Variants in STAT3 observed in about 807,000 individuals in gnomAD.
The protein encoded by STAT3 is signal transducer and activator of transcription 3, also known as DNA-binding protein APRF.
Under a neutral mutation model 114.3 loss-of-function variants are expected in STAT3, and 7 were observed. That is an observed-to-expected ratio of 0.06 (90% CI 0.03 to 0.11). The LOEUF (loss-of-function observed/expected upper bound fraction) is 0.11. Ranked by LOEUF, STAT3 falls within the 10% of genes least tolerant of loss-of-function variation. The pLI is 1.00. For missense variants in STAT3, 364 were observed against 960.9 expected, an observed-to-expected ratio of 0.38 and a Z score of 8.21; for synonymous variants, 331 against 354.5, an observed-to-expected ratio of 0.93 and a Z score of 0.74.
Position 42,333,806 on chromosome 17 carries a change from C to T in STAT3, c.957-41G>A. ...ATGGGCTCACGCGCCACGGCCATGACCAGAAGTCAGCCCGCCTCTCACTCT... is the reference window on the plus strand; with the variant it reads ...ATGGGCTCACGCGCCACGGCCATGATCAGAAGTCAGCCCGCCTCTCACTCT... On this transcript the variant is annotated intron_variant, in intron 9 of 23. Transcript: ENST00000264657. This position sits in a 1 kb window ranked among gnomAD's most constrained non-coding sequence, Gnocchi z 5.2. The T allele has an allele frequency of 6.2e-7, 1 of 1,614,152 alleles. No homozygotes were observed. Among genetic ancestry groups the T allele is most frequent in the Non-Finnish European group, 8.5e-7 (1 of 1,180,014 alleles).
At chr17:42,361,382 C>A (rs965913290) in intron 1 of STAT3, among the ~76,000 whole-genome samples, 1 of 151,842 alleles carries the variant, frequency 6.6e-6, no homozygotes, top group African/African-American at 2.4e-5. Context: ...ACTTGGGAGG[C>A]TGAGGCAGGA....
chr17:42,331,820 C>T (rs1312364), intron 10 of STAT3, among the ~76,000 whole-genome samples: 1 of 151,930 alleles, frequency 6.6e-6, no homozygotes, highest in Non-Finnish European at 1.5e-5. Context: ...CGCAGTTACT[C>T]GGGAGGCTGA....
chr17:42,359,129 G>A (rs988360465), intron 1 of STAT3, among the ~76,000 whole-genome samples: 1 of 151,802 alleles, frequency 6.6e-6, no homozygotes, highest in African/African-American at 2.4e-5. Context: ...TAAAGAGGGG[G>A]TTTCATCGTG....
In STAT3 at chr17:42,373,829, G is replaced by A. The variant is rs535794056; in HGVS notation, c.-24+14450C>T. Among the ~76,000 whole-genome samples the A allele has an allele frequency of 1.1e-4, 17 of 149,736 alleles. No homozygotes were observed. The South Asian group carries it at 3.6e-3, about 32-fold the overall frequency. On this transcript the variant is annotated intron_variant, in intron 1 of 23. Coordinates refer to ENST00000264657, the MANE Select transcript of STAT3 (RefSeq NM_139276.3). ...GAACCTGGGAGGCAGAGCTTGCAGT[G>A]AGCCGAGATCGCGCCACTACACTCC... is the stretch of plus-strand genomic sequence containing the variant.
rs564733249 is a variant in STAT3 at position 42,324,435 on chromosome 17, G to A, written c.1600+276C>T. Among the ~76,000 whole-genome samples the A allele has an allele frequency of 6.6e-6, 1 of 152,102 alleles. No individual in the cohort carries two copies. The highest frequency in any genetic ancestry group is 2.4e-5 in the African/African-American group (1 of 41,414). On this transcript the variant is annotated intron_variant, in intron 17 of 23. Coordinates refer to ENST00000264657, the MANE Select transcript of STAT3 (RefSeq NM_139276.3). This position sits in a 1 kb window ranked among gnomAD's most constrained non-coding sequence, Gnocchi z 4.5. Reference sequence around the variant, plus strand: ...GCCACCTTCCAACACACACTTAAAAGATCTTCTAAAGTTAGATAGAGTGGG... The same window carrying A: ...GCCACCTTCCAACACACACTTAAAAAATCTTCTAAAGTTAGATAGAGTGGG...
chr17:42,315,115 C>G lies in STAT3; in HGVS notation c.*630G>C. 1 of 196,168 alleles carries G rather than the reference C, an allele frequency of 5.1e-6. No individual in the cohort carries two copies. The highest frequency in any genetic ancestry group is 1.1e-5 in the Non-Finnish European group (1 of 94,458). 12.2% of individuals were successfully genotyped at this position (196,168 alleles called of 1,614,324 possible). On this transcript the variant is annotated 3_prime_UTR_variant, in exon 24 of 24. Coordinates refer to ENST00000264657, the MANE Select transcript of STAT3 (RefSeq NM_139276.3). ...GACCTTATGATCCGCCTCGGCCTCCCAAAGTGCTGGGATTACAGGCGTGAG... is the reference window on the plus strand; with the variant it reads ...GACCTTATGATCCGCCTCGGCCTCCGAAAGTGCTGGGATTACAGGCGTGAG...
intron 1 of STAT3, among the ~76,000 whole-genome samples, chr17:42,356,205 TATAAA>T (rs2083218546): frequency 6.6e-6 from 1 of 152,114 alleles, no homozygotes; most frequent in Non-Finnish European, 1.5e-5. Flanking sequence ...TTTGAAAGAT[TATAAA>T]ATAATGTTCA....
At chr17:42,361,052 C>T (rs374340699) in intron 1 of STAT3, among the ~76,000 whole-genome samples, 82 of 152,234 alleles carry the variant, frequency 5.4e-4, no homozygotes, top group African/African-American at 2.0e-3. Flanking sequence ...ACATCTTCTC[C>T]CAAATTCTTC....
chr17:42,368,732 CTT>C (rs763404467), intron 1 of STAT3, among the ~76,000 whole-genome samples: 5 of 136,818 alleles, frequency 3.7e-5, no homozygotes, highest in African/African-American at 5.4e-5. Context: ...TGCAACCAGC[CTT>C]TTTTTTTTTT....
chr17:42,326,334 T>TC, intron 14 of STAT3, 135 bp from the exon 15 acceptor site: 1 of 734,464 alleles, frequency 1.4e-6, no homozygotes, highest in South Asian at 1.5e-5. Context: ...ACAGCAAAAC[T>TC]CCATCTCTGC....
At position 42,370,634 on chromosome 17, in the gene STAT3, T is replaced by G. The variant is rs143680344; in HGVS notation, c.-24+17645A>C. Among the ~76,000 whole-genome samples, 136 of 149,756 alleles carry G rather than the reference T, an allele frequency of 9.1e-4. No individual in the cohort carries two copies. In the East Asian group the frequency reaches 0.019, roughly 21 times the overall value. ...GATTTTCCTGTTTTTCTTTTTTTGT[T>G]TTTTTTTTTAAGAGACAGAATCCTG... On this transcript the variant is annotated intron_variant, in intron 1 of 23. Transcript: ENST00000264657.
chr17:42,317,880 C>T (rs962825627), intron 21 of STAT3, among the ~76,000 whole-genome samples: 3 of 152,248 alleles, frequency 2.0e-5, no homozygotes, highest in South Asian at 2.1e-4. Context: ...ACTAGAAGAC[C>T]GGAGACCTGG....
chr17:42,331,957 T>G (rs1467011447), intron 10 of STAT3, among the ~76,000 whole-genome samples: 2 of 151,666 alleles, frequency 1.3e-5, no homozygotes, highest in Non-Finnish European at 2.9e-5. Context: ...TTGAGACAGT[T>G]TCTCTCGTTA....
intron 14 of STAT3, among the ~76,000 whole-genome samples, chr17:42,328,180 A>G (rs2081823986): frequency 6.6e-6 from 1 of 152,224 alleles, no homozygotes; most frequent in Non-Finnish European, 1.5e-5. Context: ...CAGCACTAAT[A>G]CACATAGCAC....
chr17:42,366,890 C>T (rs2083830439), intron 1 of STAT3, among the ~76,000 whole-genome samples: 1 of 152,088 alleles, frequency 6.6e-6, no homozygotes, highest in Non-Finnish European at 1.5e-5. Flanking sequence ...CCTGTCATCC[C>T]AGCACTTTGG....
chr17:42,356,034 A>G (rs1405901753), intron 1 of STAT3, among the ~76,000 whole-genome samples: 1 of 152,142 alleles, frequency 6.6e-6, no homozygotes, highest in Non-Finnish European at 1.5e-5. Flanking sequence ...TTATAAATAC[A>G]TGCATTTTAA....
At chr17:42,323,669 G>T in intron 17 of STAT3, 44 bp from the exon 18 acceptor site, 1 of 1,586,232 alleles carries the variant, frequency 6.3e-7, no homozygotes, top group Non-Finnish European at 8.6e-7. Context: ...TTCAGCTTGG[G>T]GTCAAGAGGT....
intron 1 of STAT3, among the ~76,000 whole-genome samples, chr17:42,365,640 TTTTTTTTTTTTG>T (rs1480476537): frequency 2.4e-5 from 1 of 41,630 alleles, no homozygotes; most frequent in East Asian, 1.0e-3. Flanking sequence ...GCTGTTAAAG[TTTTTTTTTTTTG>T]TTTTTTTTTG....
At chr17:42,334,669 T>G (rs1207394924) in intron 8 of STAT3, among the ~76,000 whole-genome samples, 1 of 152,136 alleles carries the variant, frequency 6.6e-6, no homozygotes, top group Non-Finnish European at 1.5e-5. Context: ...GGTCTTGAAC[T>G]CCTGACCTCA....
Sources: allele counts gnomAD v4.1 joint callset (sites outside exome capture counted in the v4.1 genomes callset), GRCh38; gene constraint gnomAD v4.1.1; non-coding constraint Gnocchi (gnomAD v3.1); transcripts MANE v1.5; gene names NCBI Gene and HGNC (gene_info 2026-07-23, HGNC 2026-07-21).